Variants in BPNT1 observed in about 807,000 individuals in gnomAD.
BPNT1 encodes 3'(2'),5'-bisphosphate nucleotidase 1.
A neutral mutation model predicts 36.9 loss-of-function variants in BPNT1; 28 were observed. The observed-to-expected ratio is 0.76, with a 90% confidence interval of 0.56 to 1.04. The LOEUF is 1.04. BPNT1 is among the 50% of genes least tolerant of loss of function. BPNT1 has a pLI of 0.00. For synonymous variants in BPNT1, 119 were observed against 130.9 expected (o/e 0.91, Z 0.62); for missense variants, 313 against 372.9 (o/e 0.84, Z 1.32).
chr1:220,067,444 C>T (rs758611465), intron 5 of BPNT1, 51 bp from the exon 6 acceptor site: 1 of 1,258,310 alleles, frequency 7.9e-7, no homozygotes, highest in Non-Finnish European at 1.1e-6. Context: ...TATTATGACT[C>T]ATCATTACTA....
At chr1:220,073,882 T>C in intron 3 of BPNT1, 85 bp downstream of exon 3, 1 of 1,101,028 alleles carries the variant, frequency 9.1e-7, no homozygotes, top group Non-Finnish European at 1.4e-6. Flanking sequence ...AAAATCATAA[T>C]AGTGGTATAT....
At chr1:220,062,412 C>T (rs969799494) in intron 7 of BPNT1, among the ~76,000 whole-genome samples, 16 of 151,230 alleles carry the variant, frequency 1.1e-4, no homozygotes, top group African/African-American at 3.9e-4. Context: ...TTTGTCCTTG[C>T]GATAGTTTAC....
At position 220,057,625 on chromosome 1, in the gene BPNT1, C is replaced by A; in HGVS notation, c.*1219G>T. 1 of 296,660 alleles carries A rather than the reference C, an allele frequency of 3.4e-6. No homozygotes were observed. The allele number at this position is 296,660 out of a possible 1,614,324, so 18.4% of individuals were successfully genotyped here. A position where few individuals can be genotyped will look rare whatever the true frequency, so the allele number is the denominator to read the frequency against. On this transcript the variant is annotated 3_prime_UTR_variant, in exon 9 of 9. Coordinates refer to ENST00000322067, the MANE Select transcript of BPNT1 (RefSeq NM_006085.6). ...ATAGAAGCAAGTACTTAGCTTTCCACAATTAAGCCTTATAATGATGCCACA... is the reference window on the plus strand; with the variant it reads ...ATAGAAGCAAGTACTTAGCTTTCCAAAATTAAGCCTTATAATGATGCCACA...
At position 220,058,677 on chromosome 1, in the gene BPNT1, G is replaced by A. The variant is rs909926178; in HGVS notation, c.*167C>T. 9 of 767,670 alleles carry A rather than the reference G, an allele frequency of 1.2e-5. No homozygotes were observed. Among genetic ancestry groups the A allele is most frequent in the South Asian group, 3.9e-5 (2 of 51,094 alleles). 47.6% of individuals were successfully genotyped at this position (767,670 alleles called of 1,614,324 possible). A position where few individuals can be genotyped will look rare whatever the true frequency, so the allele number is the denominator to read the frequency against. On this transcript the variant is annotated 3_prime_UTR_variant, in exon 9 of 9. Coordinates refer to ENST00000322067, the MANE Select transcript of BPNT1 (RefSeq NM_006085.6). ...CTCTCAAGTAGCTGGGATGACAGGC[G>A]CATGACAGGATGCCCAGTTAATTTG...
intron 2 of BPNT1, 140 bp downstream of exon 2, chr1:220,079,587 A>T: frequency 9.6e-7 from 1 of 1,040,400 alleles, no homozygotes; most frequent in Non-Finnish European, 1.4e-6. Context: ...GGAACCCTTT[A>T]GAACCAAGCG....
rs1422734175 is a variant in BPNT1 at position 220,058,170 on chromosome 1, C to G, written c.*674G>C. ...TAGCCTAGGCTACAGAGCGAGACTC[C>G]GTCTCAGGAAAAAAAAAGAGAAATC... On this transcript the variant is annotated 3_prime_UTR_variant, in exon 9 of 9. Transcript: ENST00000322067. The G allele has an allele frequency of 1.0e-6, 1 of 979,830 alleles. No homozygotes were observed. Among genetic ancestry groups the G allele is most frequent in the African/African-American group, 1.8e-5 (1 of 57,116 alleles). The allele number at this position is 979,830 out of a possible 1,614,324, so 60.7% of individuals were successfully genotyped here.
intron 6 of BPNT1, among the ~76,000 whole-genome samples, chr1:220,065,658 T>A (rs1279164122): frequency 6.6e-6 from 1 of 152,206 alleles, no homozygotes; most frequent in Non-Finnish European, 1.5e-5. Context: ...CAGTTTCCTC[T>A]TTAAAATGGG....
chr1:220,069,306 C>T lies in BPNT1; in HGVS notation c.382+78G>A. 4.2e-6 allele frequency: 5 copies of T among 1,179,564 alleles called. No homozygotes were observed. The South Asian group carries it at 7.6e-5, about 18-fold the overall frequency. 73.1% of individuals were successfully genotyped at this position (1,179,564 alleles called of 1,614,324 possible). A position where few individuals can be genotyped will look rare whatever the true frequency, so the allele number is the denominator to read the frequency against. ...TGATAGTAGCTTTCCATACAACATA[C>T]AAAATATCAAATATTTACAACTAAC... On this transcript the variant is annotated intron_variant, in intron 5 of 8. Transcript: ENST00000322067.
At chr1:220,079,208 C>T (rs12116864) in intron 2 of BPNT1, among the ~76,000 whole-genome samples, 68,055 of 151,876 alleles carry the variant, frequency 0.45, 16,245 homozygotes, top group Non-Finnish European at 0.54. Flanking sequence ...TCAGAAGACT[C>T]AGACATATAA....
chr1:220,082,085 T>TATATATAG (rs1171093697), intron 1 of BPNT1, among the ~76,000 whole-genome samples: 15 of 103,290 alleles, frequency 1.5e-4, no homozygotes, highest in East Asian at 5.3e-4. Context: ...TATATATATA[T>TATATATAG]AGAGAGAGAG....
intron 1 of BPNT1, among the ~76,000 whole-genome samples, chr1:220,088,483 A>AC (rs913196985): frequency 3.4e-5 from 5 of 148,968 alleles, no homozygotes; most frequent in African/African-American, 1.2e-4. Flanking sequence ...CGACTCAAAA[A>AC]AAAAAAAAAA....
Position 220,064,364 on chromosome 1 carries a change from A to G in BPNT1, c.475-1410T>C, listed in dbSNP as rs553315641. Among the ~76,000 whole-genome samples, 22 of 152,336 alleles carry G rather than the reference A, an allele frequency of 1.4e-4. No individual in the cohort carries two copies. In the East Asian group the frequency reaches 4.0e-3, roughly 28 times the overall value. On this transcript the variant is annotated intron_variant, in intron 6 of 8. Coordinates refer to ENST00000322067, the MANE Select transcript of BPNT1 (RefSeq NM_006085.6). ...TCGCAGGTTGGGTTCCCTGGGAAGCAGACTCTGAGGCAGGTGGTATGTTTG... is the reference window on the plus strand; with the variant it reads ...TCGCAGGTTGGGTTCCCTGGGAAGCGGACTCTGAGGCAGGTGGTATGTTTG...
chr1:220,076,372 G>A (rs1482954132), intron 2 of BPNT1, among the ~76,000 whole-genome samples: 1 of 151,630 alleles, frequency 6.6e-6, no homozygotes, highest in Non-Finnish European at 1.5e-5. Flanking sequence ...GTGGTGGCGG[G>A]CGCCTGTAGT....
At chr1:220,059,026 GTGGCTAAT>G in intron 8 of BPNT1, 34 bp from the exon 9 acceptor site, 1 of 1,607,042 alleles carries the variant, frequency 6.2e-7, no homozygotes, top group Non-Finnish European at 8.5e-7. Flanking sequence ...AATCAAGTTA[GTGGCTAAT>G]TGGATTGTGG....
rs994178032 is a variant in BPNT1 at position 220,058,178 on chromosome 1, G to GA, written c.*665dup. 938 of 963,066 alleles carry GA rather than the reference G, an allele frequency of 9.7e-4. No individual in the cohort carries two copies. Among genetic ancestry groups the GA allele is most frequent in the South Asian group, 5.0e-3 (110 of 21,950 alleles). The allele number at this position is 963,066 out of a possible 1,614,324, so 59.7% of individuals were successfully genotyped here. ...GCTACAGAGCGAGACTCCGTCTCAGGAAAAAAAAAGAGAAATCTGGTTTAG... is the reference window on the plus strand; with the variant it reads ...GCTACAGAGCGAGACTCCGTCTCAGGAAAAAAAAAAGAGAAATCTGGTTTAG... On this transcript the variant is annotated 3_prime_UTR_variant, in exon 9 of 9. Coordinates refer to ENST00000322067, the MANE Select transcript of BPNT1 (RefSeq NM_006085.6).
Position 220,058,360 on chromosome 1 carries a change from T to C in BPNT1, c.*484A>G. ...GGTCTGGTTGATTAATCAAGTTAAA[T>C]TATTTAATTCTATTTTCTATTCCTA... On this transcript the variant is annotated 3_prime_UTR_variant, in exon 9 of 9. Transcript: ENST00000322067. 1 of 980,424 alleles carries C rather than the reference T, an allele frequency of 1.0e-6. No individual in the cohort carries two copies. The highest frequency in any genetic ancestry group is 1.2e-6 in the Non-Finnish European group (1 of 824,320). 60.7% of individuals were successfully genotyped at this position (980,424 alleles called of 1,614,324 possible). A position where few individuals can be genotyped will look rare whatever the true frequency, so the allele number is the denominator to read the frequency against.
chr1:220,065,578 G>A (rs1663461943), intron 6 of BPNT1, among the ~76,000 whole-genome samples: 1 of 152,156 alleles, frequency 6.6e-6, no homozygotes, highest in Non-Finnish European at 1.5e-5. Flanking sequence ...CAGTAGCAAG[G>A]TTTGGATTTG....
chr1:220,085,640 G>A lies in BPNT1; in HGVS notation c.-9+4046C>T, dbSNP rs145397710. Among the ~76,000 whole-genome samples the A allele has an allele frequency of 7.9e-3, 1,204 of 152,266 alleles. 4 individuals are homozygous for A. The highest frequency in any genetic ancestry group is 0.013 in the Non-Finnish European group (875 of 68,028). ...CAGGGACATTAGGGCAGTGTTAAGG[G>A]CAAAAAGTTCCTGTAGTTTCTCCAA... On this transcript the variant is annotated intron_variant, in intron 1 of 8. Transcript: ENST00000322067.
Position 220,062,960 on chromosome 1 carries a change from T to A in BPNT1, c.475-6A>T, listed in dbSNP as rs201898401. On this transcript the variant is annotated splice_polypyrimidine_tract_variant and splice_region_variant and intron_variant, in intron 6 of 8. Coordinates refer to ENST00000322067, the MANE Select transcript of BPNT1 (RefSeq NM_006085.6). ...AACACAGCATCTGGTCCTGCCTGTG[T>A]AAACGAGTGAAACAACAAGACTTGT... 6.2e-7 allele frequency: 1 copy of A among 1,613,992 alleles called. No individual in the cohort carries two copies. Among genetic ancestry groups the A allele is most frequent in the Admixed American group, 1.7e-5 (1 of 60,014 alleles).
Sources: allele counts gnomAD v4.1 joint callset (sites outside exome capture counted in the v4.1 genomes callset), GRCh38; gene constraint gnomAD v4.1.1; transcripts MANE v1.5; gene names NCBI Gene and HGNC (gene_info 2026-07-23, HGNC 2026-07-21).